MOB3B: variants seen among roughly 807,000 people sequenced by gnomAD.
The protein encoded by MOB3B is MOB kinase activator-like 2B.
A neutral mutation model predicts 18.7 loss-of-function variants in MOB3B; 7 were observed. The ratio of observed to expected loss-of-function variants is 0.37; its 90% confidence interval spans 0.21 to 0.70. The LOEUF is 0.70. Ranked by LOEUF, MOB3B falls within the 30% of genes least tolerant of loss-of-function variation. The pLI, the probability that MOB3B is intolerant of heterozygous loss-of-function variation, is 0.52. For missense variants in MOB3B, 253 were observed against 281.3 expected, an observed-to-expected ratio of 0.90 and a Z score of 0.72; for synonymous variants, 111 against 99.9, an observed-to-expected ratio of 1.11 and a Z score of -0.66.
chr9:27,328,453 A>G lies in MOB3B; in HGVS notation c.*2134T>C, dbSNP rs888291012. On this transcript the variant is annotated 3_prime_UTR_variant, in exon 4 of 4. Coordinates refer to ENST00000262244, the MANE Select transcript of MOB3B (RefSeq NM_024761.5). Reference sequence around the variant, plus strand: ...GAAGAGTTCATTAGTGCAATTAACAATATAAGCAGGAGGAAATTCTTCCAA... The same window carrying G: ...GAAGAGTTCATTAGTGCAATTAACAGTATAAGCAGGAGGAAATTCTTCCAA... The G allele has an allele frequency of 6.6e-6, 1 of 152,206 alleles. No homozygotes were observed. The highest frequency in any genetic ancestry group is 1.5e-5 in the Non-Finnish European group (1 of 68,040). The allele number at this position is 152,206 out of a possible 1,614,324, so 9.4% of individuals were successfully genotyped here. A position where few individuals can be genotyped will look rare whatever the true frequency, so the allele number is the denominator to read the frequency against.
intron 2 of MOB3B, among the ~76,000 whole-genome samples, chr9:27,443,205 G>A (rs1348217941): frequency 6.6e-6 from 1 of 152,160 alleles, no homozygotes; most frequent in Non-Finnish European, 1.5e-5. Flanking sequence ...TGACACAACT[G>A]AAAAGCAGCA....
chr9:27,336,931 C>A (rs923783945), intron 3 of MOB3B, among the ~76,000 whole-genome samples: 1 of 152,148 alleles, frequency 6.6e-6, no homozygotes, highest in Non-Finnish European at 1.5e-5. Flanking sequence ...AGGAAAGCTG[C>A]GAGTCCCCCG....
At chr9:27,465,973 A>G (rs1041043552) in intron 1 of MOB3B, among the ~76,000 whole-genome samples, 5 of 152,174 alleles carry the variant, frequency 3.3e-5, no homozygotes, top group African/African-American at 4.8e-5. Context: ...GATCTCTGAC[A>G]TGGCCTGGAG....
chr9:27,463,476 G>A (rs561575231), intron 1 of MOB3B, among the ~76,000 whole-genome samples: 2 of 152,236 alleles, frequency 1.3e-5, no homozygotes, highest in South Asian at 2.1e-4. Flanking sequence ...ACACCTAAGG[G>A]GGTCAGGGAG....
intron 1 of MOB3B, among the ~76,000 whole-genome samples, chr9:27,479,815 G>A (rs1250770800): frequency 2.6e-5 from 4 of 152,160 alleles, no homozygotes; most frequent in Non-Finnish European, 5.9e-5. Flanking sequence ...TCGTGCTTTG[G>A]GAGGCCAAGG....
chr9:27,464,642 T>C (rs980181226), intron 1 of MOB3B, among the ~76,000 whole-genome samples: 2 of 152,222 alleles, frequency 1.3e-5, no homozygotes, highest in Non-Finnish European at 2.9e-5. Flanking sequence ...ATTTTTTATA[T>C]TAGCTCATTT....
At chr9:27,345,066 C>A (rs1821012153) in intron 3 of MOB3B, among the ~76,000 whole-genome samples, 1 of 152,192 alleles carries the variant, frequency 6.6e-6, no homozygotes, top group Non-Finnish European at 1.5e-5. Context: ...CAATGGTGAT[C>A]CAGTATGCAG....
intron 1 of MOB3B, among the ~76,000 whole-genome samples, chr9:27,498,684 T>A (rs1271435167): frequency 1.3e-5 from 2 of 152,220 alleles, no homozygotes; most frequent in African/African-American, 4.8e-5. Context: ...TTTGTAGTAC[T>A]GGGGTCTCAT....
chr9:27,464,707 G>T (rs1819349319), intron 1 of MOB3B, among the ~76,000 whole-genome samples: 2 of 152,210 alleles, frequency 1.3e-5, no homozygotes, highest in African/African-American at 4.8e-5. Flanking sequence ...GGTTTAATTG[G>T]ACTTACAGTT....
At chr9:27,348,859 C>A (rs892826247) in intron 3 of MOB3B, among the ~76,000 whole-genome samples, 38 of 152,120 alleles carry the variant, frequency 2.5e-4, no homozygotes, top group African/African-American at 8.7e-4. Context: ...CAGCAGAAAC[C>A]TAACGTTTCA....
chr9:27,392,503 TAA>T (rs1262358820), intron 2 of MOB3B, among the ~76,000 whole-genome samples: 1 of 152,102 alleles, frequency 6.6e-6, no homozygotes, highest in Non-Finnish European at 1.5e-5. Flanking sequence ...AAAGGGCACT[TAA>T]AAAAGTCTCA....
chr9:27,370,235 G>A (rs113710648), intron 2 of MOB3B, among the ~76,000 whole-genome samples: 4,222 of 152,102 alleles, frequency 0.028, 159 homozygotes, highest in African/African-American at 0.082. Context: ...CTGGCTGGGC[G>A]CGGTCGCTCA....
intron 1 of MOB3B, among the ~76,000 whole-genome samples, chr9:27,520,209 C>T (rs183110650): frequency 4.7e-4 from 71 of 152,332 alleles, no homozygotes; most frequent in African/African-American, 1.7e-3. Context: ...GTCTCATCTC[C>T]ATTTTGCCAA....
intron 1 of MOB3B, among the ~76,000 whole-genome samples, chr9:27,516,653 T>G (rs1477220684): frequency 4.6e-5 from 7 of 152,228 alleles, no homozygotes; most frequent in Non-Finnish European, 1.5e-5. Context: ...ATTATCCTTA[T>G]GCCTGTGACC....
chr9:27,350,781 C>T (rs553806176), intron 3 of MOB3B, among the ~76,000 whole-genome samples: 1 of 152,258 alleles, frequency 6.6e-6, no homozygotes, highest in African/African-American at 2.4e-5. Flanking sequence ...CACCAACAGC[C>T]GATGCCACCC....
chr9:27,484,816 G>C (rs1563880209), intron 1 of MOB3B, among the ~76,000 whole-genome samples: 1 of 152,104 alleles, frequency 6.6e-6, no homozygotes, highest in South Asian at 2.1e-4. Context: ...TCTGCAGGCT[G>C]TCAAACCCAG....
chr9:27,334,468 TG>T (rs1167146347), intron 3 of MOB3B, among the ~76,000 whole-genome samples: 1 of 152,168 alleles, frequency 6.6e-6, no homozygotes, highest in Non-Finnish European at 1.5e-5. Context: ...GTGGGGACGG[TG>T]GGGGTGGATG....
At chr9:27,513,097 T>C (rs1440801397) in intron 1 of MOB3B, among the ~76,000 whole-genome samples, 2 of 152,244 alleles carry the variant, frequency 1.3e-5, no homozygotes, top group Non-Finnish European at 2.9e-5. Flanking sequence ...GATTATTTAC[T>C]GATTACCAAA....
intron 2 of MOB3B, among the ~76,000 whole-genome samples, chr9:27,433,280 C>T (rs1822444336): frequency 6.6e-6 from 1 of 151,918 alleles, no homozygotes; most frequent in South Asian, 2.1e-4. Flanking sequence ...GAAATTACTC[C>T]AGTCCCTATC....
Sources: allele counts gnomAD v4.1 joint callset (sites outside exome capture counted in the v4.1 genomes callset), GRCh38; gene constraint gnomAD v4.1.1; transcripts MANE v1.5; gene names NCBI Gene and HGNC (gene_info 2026-07-23, HGNC 2026-07-21).